The following LCORL variants were observed in gnomAD, a reference collection of about 807,000 sequenced individuals.
LCORL encodes ligand dependent nuclear receptor corepressor like.
Under a neutral mutation model 141.8 loss-of-function variants are expected in LCORL, and 41 were observed. That is an observed-to-expected ratio of 0.29 (90% CI 0.23 to 0.38). LCORL has a LOEUF of 0.38. LCORL is among the 10% of genes least tolerant of loss of function. LCORL has a pLI of 1.00. For synonymous variants in LCORL, 618 were observed against 694.1 expected (o/e 0.89, Z 1.72); for missense variants, 1,759 against 2,035.0 (o/e 0.86, Z 2.61).
At chr4:17,873,907 C>T in exon 7 of LCORL, 1 of 1,234,010 alleles carries the variant, frequency 8.1e-7, no homozygotes, top group African/African-American at 1.5e-5. Flanking sequence ...GTTCCATTCT[C>T]TTTTGCTTCT....
chr4:17,917,185 CTGAGT>C lies in LCORL; in HGVS notation c.431-7845_431-7841del, dbSNP rs1415663358. ...ACGGGGTTTCACCACGTTGGCCAGGCTGAGTTTTTTTTGTTTTGTTTTGTTTTTTT... is the reference window on the plus strand; with the variant it reads ...ACGGGGTTTCACCACGTTGGCCAGGCTTTTTTTGTTTTGTTTTGTTTTTTT... On this transcript the variant is annotated intron_variant, in intron 4 of 7. Coordinates refer to ENST00000635767, the Ensembl canonical transcript of LCORL. 2.0e-5 allele frequency among the ~76,000 whole-genome samples: 3 copies of C among 151,646 alleles called. No individual in the cohort carries two copies. The East Asian group carries it at 5.8e-4, about 30-fold the overall frequency.
chr4:17,901,749 G>C (rs753895434), intron 5 of LCORL, among the ~76,000 whole-genome samples: 3 of 151,692 alleles, frequency 2.0e-5, no homozygotes, highest in Non-Finnish European at 4.4e-5. Context: ...AGAAAAGTGA[G>C]GAAACCCAAT....
chr4:18,020,852 T>C (rs1164276083), intron 1 of LCORL: 5 of 152,290 alleles, frequency 3.3e-5, no homozygotes, highest in African/African-American at 1.2e-4. Flanking sequence ...GAGGGTGTCG[T>C]TGCCGTGGCA....
intron 4 of LCORL, among the ~76,000 whole-genome samples, chr4:17,911,426 G>C (rs1261214668): frequency 6.6e-6 from 1 of 152,094 alleles, no homozygotes; most frequent in African/African-American, 2.4e-5. Context: ...TCTAGTTTGA[G>C]GCACTAAGAA....
intron 1 of LCORL, among the ~76,000 whole-genome samples, chr4:17,996,823 T>C (rs1035794197): frequency 6.6e-6 from 1 of 152,098 alleles, no homozygotes; most frequent in Non-Finnish European, 1.5e-5. Flanking sequence ...ATAATGGATA[T>C]CAGAATCATT....
intron 7 of LCORL, among the ~76,000 whole-genome samples, chr4:17,857,340 A>C (rs74951578): frequency 3.3e-3 from 504 of 152,346 alleles, no homozygotes; most frequent in African/African-American, 0.011. Flanking sequence ...ATAAATACTG[A>C]TCAGTGGATA....
At chr4:17,946,818 G>A (rs1416842765) in intron 4 of LCORL, among the ~76,000 whole-genome samples, 2 of 151,884 alleles carry the variant, frequency 1.3e-5, no homozygotes, top group Non-Finnish European at 2.9e-5. Context: ...TATTTGCAGA[G>A]ATACTTAGAG....
chr4:17,963,132 C>T (rs1053790376), intron 2 of LCORL, 83 bp from the exon 3 acceptor site: 4 of 611,738 alleles, frequency 6.5e-6, no homozygotes, highest in South Asian at 6.2e-5. Context: ...CAATGGCTCA[C>T]ATAATAATAA....
At chr4:17,846,722 G>A (rs1722979477) in intron 7 of LCORL, among the ~76,000 whole-genome samples, 1 of 152,118 alleles carries the variant, frequency 6.6e-6, no homozygotes, top group Admixed American at 6.5e-5. Context: ...ACAAGTTCAT[G>A]AGCACAGTCC....
Position 17,873,051 on chromosome 4 carries a change from A to T in LCORL, c.5602+337T>A, listed in dbSNP as rs1726543295. Among the ~76,000 whole-genome samples, 2 of 152,140 alleles carry T rather than the reference A, an allele frequency of 1.3e-5. 1 individual carries two copies. Among genetic ancestry groups the T allele is most frequent in the South Asian group, 4.1e-4 (2 of 4,832 alleles). On this transcript the variant is annotated intron_variant, in intron 7 of 7. Coordinates refer to ENST00000635767, the Ensembl canonical transcript of LCORL. ...TTTAGTTAGTTACTTGGTTATATTT[A>T]TCTGTCAAACTGCTTACTGCTTTTA...
At chr4:17,955,346 G>GA (rs1712383221) in intron 4 of LCORL, among the ~76,000 whole-genome samples, 1 of 152,184 alleles carries the variant, frequency 6.6e-6, no homozygotes, top group Non-Finnish European at 1.5e-5. Context: ...TGGTAGGAAA[G>GA]AAAGTCTAAC....
rs555678487 is a variant in LCORL at position 17,884,195 on chromosome 4, A to G, written c.776+1873T>C. 27 of 1,550,106 alleles carry G rather than the reference A, an allele frequency of 1.7e-5. No individual in the cohort carries two copies. The East Asian group carries it at 5.4e-4, about 31-fold the overall frequency. ...TTTTTGGAGAGCTGATCCTTCTAGG[A>G]CTGAAGAGGTTTTGGAAACTTGATA... On this transcript the variant is annotated intron_variant, in intron 6 of 7. Coordinates refer to ENST00000635767, the Ensembl canonical transcript of LCORL. The surrounding 1 kb of genome is among the most constrained non-coding windows in gnomAD (Gnocchi z 4.4).
intron 1 of LCORL, among the ~76,000 whole-genome samples, chr4:17,990,241 G>GGCGCCCACCACC (rs1232881602): frequency 1.3e-5 from 2 of 151,804 alleles, no homozygotes; most frequent in Non-Finnish European, 2.9e-5. Context: ...TGGGACTACA[G>GGCGCCCACCACC]GCGCCCACCA....
At chr4:17,897,796 C>G (rs1367668648) in intron 5 of LCORL, among the ~76,000 whole-genome samples, 1 of 152,162 alleles carries the variant, frequency 6.6e-6, no homozygotes, top group Non-Finnish European at 1.5e-5. Context: ...TCCTTGCCTG[C>G]TAGCACAAGA....
intron 3 of LCORL, 63 bp downstream of exon 3, chr4:17,962,907 A>G: frequency 1.1e-6 from 1 of 889,500 alleles, no homozygotes; most frequent in Non-Finnish European, 1.6e-6. Context: ...AATTAAGATA[A>G]AAAAAAAACT....
chr4:17,999,714 T>C (rs547941757), intron 1 of LCORL, among the ~76,000 whole-genome samples: 1 of 152,286 alleles, frequency 6.6e-6, no homozygotes, highest in East Asian at 1.9e-4. Flanking sequence ...GACAATTTGG[T>C]AAGAAGAAAT....
At chr4:18,008,213 C>G (rs781064816) in intron 1 of LCORL, among the ~76,000 whole-genome samples, 18 of 152,122 alleles carry the variant, frequency 1.2e-4, no homozygotes, top group Non-Finnish European at 2.4e-4. Flanking sequence ...GCCTTGCCCA[C>G]TAACTCCATG....
chr4:17,944,056 A>G (rs78325186), intron 4 of LCORL, among the ~76,000 whole-genome samples: 253 of 152,270 alleles, frequency 1.7e-3, no homozygotes, highest in East Asian at 0.014. Context: ...ATACTTATTC[A>G]TGCCACTGTC....
intron 1 of LCORL, among the ~76,000 whole-genome samples, chr4:18,011,038 C>A (rs911378569): frequency 6.6e-6 from 1 of 152,002 alleles, no homozygotes; most frequent in African/African-American, 2.4e-5. Flanking sequence ...TGGGGTTGAG[C>A]TTTCAAAGGA....
Sources: allele counts gnomAD v4.1 joint callset (sites outside exome capture counted in the v4.1 genomes callset), GRCh38; gene constraint gnomAD v4.1.1; non-coding constraint Gnocchi (gnomAD v3.1); transcripts MANE v1.5; gene names NCBI Gene and HGNC (gene_info 2026-07-23, HGNC 2026-07-21).